Variants in ANGPT1 observed in about 807,000 individuals in gnomAD.
ANGPT1 encodes the protein angiopoietin-1.
Under a neutral mutation model 62.2 loss-of-function variants are expected in ANGPT1, and 17 were observed. The observed-to-expected ratio is 0.27, with a 90% CI of 0.19 to 0.41. The LOEUF (loss-of-function observed/expected upper bound fraction) is 0.41, where lower values mean the gene tolerates loss of function less well. Ranked by LOEUF, ANGPT1 falls within the 10% of genes least tolerant of loss-of-function variation. ANGPT1 has a pLI of 1.00. For missense variants in ANGPT1, 478 were observed against 594.9 expected (o/e 0.80, Z 2.04); for synonymous variants, 199 against 198.9 (o/e 1.00, Z 0.00).
At chr8:107,395,901 G>T (rs60535810) in intron 1 of ANGPT1, among the ~76,000 whole-genome samples, 25,187 of 152,074 alleles carry the variant, frequency 0.17, 2,825 homozygotes, top group East Asian at 0.56. Flanking sequence ...TGGTCTCAAG[G>T]AGATTATCAA....
At chr8:107,426,593 C>A (rs1349646455) in intron 1 of ANGPT1, among the ~76,000 whole-genome samples, 1 of 152,180 alleles carries the variant, frequency 6.6e-6, no homozygotes. Flanking sequence ...TCTTCTTCCT[C>A]CTTGTATTCA....
chr8:107,481,301 G>A (rs1232804113), intron 1 of ANGPT1, among the ~76,000 whole-genome samples: 1 of 152,102 alleles, frequency 6.6e-6, no homozygotes, highest in African/African-American at 2.4e-5. Flanking sequence ...TTGGGAGGCT[G>A]AGGCAGGTGG....
chr8:107,448,279 C>T (rs1264458497), intron 1 of ANGPT1, among the ~76,000 whole-genome samples: 1 of 152,134 alleles, frequency 6.6e-6, no homozygotes, highest in African/African-American at 2.4e-5. Context: ...CTCTACATTC[C>T]TTAAAACTAA....
chr8:107,405,704 T>C (rs916698974), intron 1 of ANGPT1, among the ~76,000 whole-genome samples: 1 of 152,030 alleles, frequency 6.6e-6, no homozygotes. Flanking sequence ...CCAAGTATTC[T>C]GGATAAGAGA....
chr8:107,264,782 T>C (rs1456080052), intron 7 of ANGPT1, among the ~76,000 whole-genome samples: 4 of 152,230 alleles, frequency 2.6e-5, no homozygotes. Context: ...CCAGGCACTA[T>C]GTTAAATGAT....
At chr8:107,421,080 A>G (rs1810884065) in intron 1 of ANGPT1, among the ~76,000 whole-genome samples, 1 of 152,168 alleles carries the variant, frequency 6.6e-6, no homozygotes, top group Non-Finnish European at 1.5e-5. Context: ...TGGCATTTCT[A>G]TCTCATCAGT....
chr8:107,328,419 G>C (rs1239375836), intron 3 of ANGPT1, among the ~76,000 whole-genome samples: 1 of 151,544 alleles, frequency 6.6e-6, no homozygotes, highest in Non-Finnish European at 1.5e-5. Flanking sequence ...TAAAGTTTGG[G>C]GTAAAGAAGA....
intron 1 of ANGPT1, among the ~76,000 whole-genome samples, chr8:107,458,477 T>G (rs746784049): frequency 6.6e-6 from 1 of 152,162 alleles, no homozygotes; most frequent in Non-Finnish European, 1.5e-5. Context: ...TACTAAAGTA[T>G]AAAATATTTT....
At chr8:107,348,809 C>T (rs770676379) in intron 1 of ANGPT1, among the ~76,000 whole-genome samples, 8 of 152,082 alleles carry the variant, frequency 5.3e-5, no homozygotes, top group Non-Finnish European at 7.4e-5. Flanking sequence ...TTTTGCCCTT[C>T]GGAACAAATG....
chr8:107,453,041 A>G (rs1350112181), intron 1 of ANGPT1, among the ~76,000 whole-genome samples: 2 of 152,218 alleles, frequency 1.3e-5, no homozygotes, highest in South Asian at 2.1e-4. Flanking sequence ...TAAATGCTTA[A>G]TGAACTCTTT....
chr8:107,447,365 T>C (rs767060114), intron 1 of ANGPT1, among the ~76,000 whole-genome samples: 1 of 152,206 alleles, frequency 6.6e-6, no homozygotes, highest in Non-Finnish European at 1.5e-5. Flanking sequence ...TACAGAATTA[T>C]GCACTCATGC....
intron 8 of ANGPT1, among the ~76,000 whole-genome samples, chr8:107,255,361 T>C (rs1434421328): frequency 6.6e-6 from 1 of 151,944 alleles, no homozygotes; most frequent in Non-Finnish European, 1.5e-5. Context: ...TGCCAGTGGG[T>C]TAAAGGGTTG....
intron 8 of ANGPT1, among the ~76,000 whole-genome samples, chr8:107,261,613 G>C (rs921582948): frequency 1.3e-5 from 2 of 151,830 alleles, no homozygotes; most frequent in Non-Finnish European, 2.9e-5. Flanking sequence ...GCTGAGGCAG[G>C]AGAATGGCAA....
chr8:107,428,989 AG>A (rs1456166817), intron 1 of ANGPT1, among the ~76,000 whole-genome samples: 1 of 152,230 alleles, frequency 6.6e-6, no homozygotes, highest in Non-Finnish European at 1.5e-5. Flanking sequence ...TTTGGACAAG[AG>A]GGTTATGCTA....
chr8:107,299,565 G>T (rs1339086039), intron 5 of ANGPT1, among the ~76,000 whole-genome samples: 5 of 129,170 alleles, frequency 3.9e-5, no homozygotes, highest in Non-Finnish European at 6.4e-5. Context: ...AGCATATATA[G>T]ATATATATAG....
chr8:107,275,826 C>T lies in ANGPT1; in HGVS notation c.1205+8856G>A, dbSNP rs148988611. The stretch of plus-strand genomic sequence containing the variant: ...ATTTATTGGAGGCAGTGCTTGCTAG[C>T]TGGTTCTGGCAACTTTTGCCAACCT... On this transcript the variant is annotated intron_variant, in intron 7 of 8. Coordinates refer to ENST00000517746, the MANE Select transcript of ANGPT1 (RefSeq NM_001146.5). 3.3e-5 allele frequency among the ~76,000 whole-genome samples: 5 copies of T among 152,174 alleles called. No individual in the cohort carries two copies. In the South Asian group the frequency reaches 1.0e-3, roughly 32 times the overall value.
At chr8:107,364,746 C>T (rs148902660) in intron 1 of ANGPT1, among the ~76,000 whole-genome samples, 6 of 152,292 alleles carry the variant, frequency 3.9e-5, no homozygotes, top group Non-Finnish European at 5.9e-5. Flanking sequence ...TTGTATAACA[C>T]GTGCTAGTTG....
chr8:107,254,014 G>GT (rs144199840), intron 8 of ANGPT1, among the ~76,000 whole-genome samples: 1,809 of 152,228 alleles, frequency 0.012, 51 homozygotes, highest in African/African-American at 0.041. Context: ...ATCACCCAGT[G>GT]TTTTGTTCAT....
At chr8:107,482,478 C>T (rs902418040) in intron 1 of ANGPT1, among the ~76,000 whole-genome samples, 1 of 152,224 alleles carries the variant, frequency 6.6e-6, no homozygotes, top group Admixed American at 6.5e-5. Context: ...GACTTCTTCA[C>T]AACACCATGG....
Sources: allele counts gnomAD v4.1 joint callset (sites outside exome capture counted in the v4.1 genomes callset), GRCh38; gene constraint gnomAD v4.1.1; transcripts MANE v1.5; gene names NCBI Gene and HGNC (gene_info 2026-07-23, HGNC 2026-07-21).